SV2B: variants seen among roughly 807,000 people sequenced by gnomAD.
The protein encoded by SV2B is solute carrier family 22 member B2.
A neutral mutation model predicts 73.9 loss-of-function variants in SV2B; 41 were observed. The ratio of observed to expected loss-of-function variants is 0.56; its 90% CI spans 0.43 to 0.72. The LOEUF (loss-of-function observed/expected upper bound fraction) is 0.72. SV2B is among the 30% of genes least tolerant of loss of function. The probability of loss-of-function intolerance (pLI) is 0.00; values close to 1 mark genes in which losing one functional copy is unlikely to be tolerated. For synonymous variants in SV2B, 314 were observed against 314.2 expected (o/e 1.00, Z 0.01); for missense variants, 764 against 857.8 (o/e 0.89, Z 1.37).
In SV2B at chr15:91,140,595, C is replaced by T. The variant is rs1184158602; in HGVS notation, c.-392+40232C>T. ...TTAACCCGAGGCCTGAGGAGTAGCCCATTGCTCTCCTCTTTGATCTCCTCC... is the reference window on the plus strand; with the variant it reads ...TTAACCCGAGGCCTGAGGAGTAGCCTATTGCTCTCCTCTTTGATCTCCTCC... On this transcript the variant is annotated intron_variant, in intron 1 of 12. Coordinates refer to ENST00000394232, the MANE Select transcript of SV2B (RefSeq NM_001323032.3). The surrounding 1 kb of genome is among the most constrained non-coding windows in gnomAD (Gnocchi z 4.4). 6.6e-6 allele frequency among the ~76,000 whole-genome samples: 1 copy of T among 152,126 alleles called. No homozygotes were observed. The highest frequency in any genetic ancestry group is 1.9e-4 in the East Asian group (1 of 5,180).
Position 91,254,445 on chromosome 15 carries a change from C to T in SV2B, c.784+1925C>T, listed in dbSNP as rs571660397. Among the ~76,000 whole-genome samples, 3 of 152,172 alleles carry T rather than the reference C, an allele frequency of 2.0e-5. No homozygotes were observed. The Middle Eastern group carries it at 0.01, about 518-fold the overall frequency. On this transcript the variant is annotated intron_variant, in intron 4 of 12. Coordinates refer to ENST00000394232, the MANE Select transcript of SV2B (RefSeq NM_001323032.3). ...AGAGTCGGGGTTTCACCATGTTGGC[C>T]AGGCTGGTCTCCAACGCCTGACTTC...
At chr15:91,206,037 T>C (rs921210687) in intron 1 of SV2B, among the ~76,000 whole-genome samples, 3 of 152,002 alleles carry the variant, frequency 2.0e-5, no homozygotes, top group African/African-American at 7.2e-5. Context: ...GTGGTGGTTG[T>C]GGGTGGTTGT....
chr15:91,135,704 T>C (rs1478534454), intron 1 of SV2B, among the ~76,000 whole-genome samples: 1 of 152,254 alleles, frequency 6.6e-6, no homozygotes, highest in Admixed American at 6.5e-5. Context: ...ACTGAGCCGT[T>C]ACTGTGTTTC....
intron 1 of SV2B, among the ~76,000 whole-genome samples, chr15:91,186,921 T>G (rs1486944206): frequency 1.3e-5 from 2 of 152,240 alleles, no homozygotes; most frequent in African/African-American, 4.8e-5. Flanking sequence ...CTTAAGCATT[T>G]TATTTAGAAG....
chr15:91,223,356 T>C lies in SV2B; in HGVS notation c.-391-2517T>C, dbSNP rs930356540. ...TTGTGTTTCTTAAATGAAATAGAAA[T>C]GAACACTCACTGGACAGTGATTCCC... is the stretch of plus-strand genomic sequence containing the variant. On this transcript the variant is annotated intron_variant, in intron 1 of 12. Transcript: ENST00000394232. The surrounding 1 kb of genome is among the most constrained non-coding windows in gnomAD (Gnocchi z 4.6). Among the ~76,000 whole-genome samples, 1 of 152,226 alleles carries C rather than the reference T, an allele frequency of 6.6e-6. No homozygotes were observed. Among genetic ancestry groups the C allele is most frequent in the African/African-American group, 2.4e-5 (1 of 41,458 alleles).
At chr15:91,260,467 T>A in intron 6 of SV2B, 58 bp downstream of exon 6, 1 of 1,368,188 alleles carries the variant, frequency 7.3e-7, no homozygotes, top group Non-Finnish European at 1.0e-6. Flanking sequence ...TGCTTTGATT[T>A]ACTAAAAAGT....
At position 91,155,319 on chromosome 15, in the gene SV2B, T is replaced by C. The variant is rs560708721; in HGVS notation, c.-392+54956T>C. On this transcript the variant is annotated intron_variant, in intron 1 of 12. Coordinates refer to ENST00000394232, the MANE Select transcript of SV2B (RefSeq NM_001323032.3). ...CTTGTGTTTCAGGATCCTATGCCAG[T>C]GAGTATTAACTGTAGATGGACGTGG... Among the ~76,000 whole-genome samples, 16 of 152,284 alleles carry C rather than the reference T, an allele frequency of 1.1e-4. 1 individual carries two copies. Among genetic ancestry groups the C allele is most frequent in the African/African-American group, 3.8e-4 (16 of 41,562 alleles).
At chr15:91,131,157 T>TG (rs1169162133) in intron 1 of SV2B, among the ~76,000 whole-genome samples, 1 of 148,878 alleles carries the variant, frequency 6.7e-6, no homozygotes, top group Non-Finnish European at 1.5e-5. Flanking sequence ...GTTTTTTTTT[T>TG]TTTTTTTTTT....
intron 1 of SV2B, among the ~76,000 whole-genome samples, chr15:91,146,806 C>T (rs1335082619): frequency 6.6e-6 from 1 of 152,336 alleles, no homozygotes; most frequent in East Asian, 1.9e-4. Flanking sequence ...GTGGAAGGAA[C>T]CTGTCCAATG....
chr15:91,279,286 A>C (rs2048606663), intron 9 of SV2B, among the ~76,000 whole-genome samples: 3 of 152,228 alleles, frequency 2.0e-5, no homozygotes, highest in Admixed American at 2.0e-4. Flanking sequence ...AGCCTAACAC[A>C]TGTTGAATGT....
intron 1 of SV2B, among the ~76,000 whole-genome samples, chr15:91,148,960 C>T (rs1042560264): frequency 7.2e-5 from 11 of 152,364 alleles, no homozygotes; most frequent in African/African-American, 1.9e-4. Context: ...AACACCATCA[C>T]AGACACATCC....
intron 1 of SV2B, among the ~76,000 whole-genome samples, chr15:91,131,612 C>G (rs1323835401): frequency 1.3e-5 from 2 of 150,754 alleles, no homozygotes; most frequent in African/African-American, 4.9e-5. Flanking sequence ...TGGCGTCAGC[C>G]TGGGCAACAT....
intron 1 of SV2B, among the ~76,000 whole-genome samples, chr15:91,125,515 T>A (rs1054992949): frequency 3.9e-5 from 6 of 152,112 alleles, no homozygotes; most frequent in Non-Finnish European, 5.9e-5. Context: ...CTCACGCCTG[T>A]AATCCAAGCA....
chr15:91,207,813 G>T (rs1487340326), intron 1 of SV2B, among the ~76,000 whole-genome samples: 1 of 152,164 alleles, frequency 6.6e-6, no homozygotes, highest in East Asian at 1.9e-4. Context: ...ATAAACTGGG[G>T]AGGAACTTAA....
At position 91,299,948 on chromosome 15, in the gene SV2B, A is replaced by G. The variant is rs1029121192; in HGVS notation, c.*7396A>G. 3.9e-5 allele frequency: 6 copies of G among 152,138 alleles called. No homozygotes were observed. Among genetic ancestry groups the G allele is most frequent in the African/African-American group, 7.2e-5 (3 of 41,442 alleles). 9.4% of individuals were successfully genotyped at this position (152,138 alleles called of 1,614,324 possible). On this transcript the variant is annotated 3_prime_UTR_variant, in exon 13 of 13. Coordinates refer to ENST00000394232, the MANE Select transcript of SV2B (RefSeq NM_001323032.3). ...ATGTGAGCTACTATGCCTGGTCCCA[A>G]CTTCTTAAAATTAAATTTTGGGGAA...
intron 2 of SV2B, among the ~76,000 whole-genome samples, chr15:91,233,896 C>T (rs1395417304): frequency 1.3e-5 from 2 of 152,166 alleles, no homozygotes; most frequent in South Asian, 2.1e-4. Context: ...GGTGGTTACA[C>T]TCCAAAAGAA....
At chr15:91,108,632 A>G (rs986553256) in intron 1 of SV2B, among the ~76,000 whole-genome samples, 1 of 152,214 alleles carries the variant, frequency 6.6e-6, no homozygotes, top group Non-Finnish European at 1.5e-5. Context: ...AGTGACAGTG[A>G]TGAGCTAAGT....
rs540833246 is a variant in SV2B, at chr15:91,284,641, T to G, written c.1708+420T>G. Among the ~76,000 whole-genome samples, 81 of 152,336 alleles carry G rather than the reference T, an allele frequency of 5.3e-4. No individual in the cohort carries two copies. Among genetic ancestry groups the G allele is most frequent in the Non-Finnish European group, 6.8e-4 (46 of 68,026 alleles). On this transcript the variant is annotated intron_variant, in intron 11 of 12. Coordinates refer to ENST00000394232, the MANE Select transcript of SV2B (RefSeq NM_001323032.3). The surrounding 1 kb of genome is among the most constrained non-coding windows in gnomAD (Gnocchi z 4.5). ...TTAATAGCAATACCACTTTAGGCTT[T>G]GGAGTTGGACAGAGTCATGTTGAAA...
At chr15:91,222,202 A>G (rs1299158515) in intron 1 of SV2B, among the ~76,000 whole-genome samples, 2 of 152,110 alleles carry the variant, frequency 1.3e-5, no homozygotes, top group Non-Finnish European at 2.9e-5. Context: ...GAGAACAAAT[A>G]TTTGTGGCCC....
Sources: gnomAD v4.1 joint callset for allele counts (sites outside exome capture counted in the v4.1 genomes callset) on GRCh38, gnomAD v4.1.1 for gene constraint, Gnocchi (gnomAD v3.1) non-coding constraint, MANE v1.5 for transcripts, NCBI Gene and HGNC (gene_info 2026-07-23, HGNC 2026-07-21) for gene names.